Variants in COL13A1 observed in about 807,000 individuals in gnomAD.
COL13A1 encodes collagen type XIII alpha 1 chain, also known as collagen alpha-1(XIII) chain.
In COL13A1, 89 loss-of-function variants were observed where a neutral mutation model predicts 130.9. The ratio of observed to expected loss-of-function variants is 0.68; its 90% CI spans 0.57 to 0.81. The LOEUF (loss-of-function observed/expected upper bound fraction) is 0.81, where lower values mean the gene tolerates loss of function less well. Ranked by LOEUF, COL13A1 falls within the 30% of genes least tolerant of loss-of-function variation. The pLI, the probability that COL13A1 is intolerant of heterozygous loss-of-function variation, is 0.00. For synonymous variants in COL13A1, 402 were observed against 341.6 expected (o/e 1.18, Z -1.95); for missense variants, 879 against 934.6 (o/e 0.94, Z 0.78).
intron 1 of COL13A1, among the ~76,000 whole-genome samples, chr10:69,813,385 C>T (rs959904310): frequency 4.6e-5 from 7 of 152,192 alleles, no homozygotes; most frequent in African/African-American, 1.4e-4. Flanking sequence ...ACGAATGCTG[C>T]AAAGCTCACA....
At chr10:69,832,642 G>A (rs1055018734) in intron 2 of COL13A1, among the ~76,000 whole-genome samples, 2 of 152,178 alleles carry the variant, frequency 1.3e-5, no homozygotes, top group Non-Finnish European at 2.9e-5. Context: ...ACAGGGCAGG[G>A]GAAGGGTGAA....
Position 69,802,445 on chromosome 10 carries a change from A to G in COL13A1, c.22A>G (p.Lys8Glu). The G allele has an allele frequency of 6.7e-7, 1 of 1,502,984 alleles. No homozygotes were observed. The highest frequency in any genetic ancestry group is 1.3e-5 in the South Asian group (1 of 77,820). The allele number at this position is 1,502,984 out of a possible 1,614,324, so 93.1% of individuals were successfully genotyped here. A position where few individuals can be genotyped will look rare whatever the true frequency, so the allele number is the denominator to read the frequency against. Residue 8 changes from lysine (K) to glutamate (E), a missense_variant, in exon 1 of 41, where the codon AAA becomes GAA. Lys to Glu is a moderately conservative substitution (Grantham distance 56). Transcript: ENST00000645393. Reference sequence around the variant, plus strand: ...GAGGATGGTAGCGGAGCGCACCCACAAAGCGGCAGCCACCGGTGCCCGCGG... The same window carrying G: ...GAGGATGGTAGCGGAGCGCACCCACGAAGCGGCAGCCACCGGTGCCCGCGG... MVAERTH[K>E]AAATGARGPG...
intron 31 of COL13A1, among the ~76,000 whole-genome samples, chr10:69,934,890 A>G (rs147885315): frequency 6.6e-6 from 1 of 152,308 alleles, no homozygotes; most frequent in African/African-American, 2.4e-5. Context: ...TCAAATGTCT[A>G]CAAGGGTCAG....
intron 34 of COL13A1, among the ~76,000 whole-genome samples, chr10:69,938,918 C>T (rs2067276834): frequency 6.6e-6 from 1 of 152,154 alleles, no homozygotes; most frequent in African/African-American, 2.4e-5. Context: ...AACCACAAAC[C>T]TCTTCTTATC....
At chr10:69,878,789 C>T (rs1176787583) in intron 6 of COL13A1, among the ~76,000 whole-genome samples, 1 of 152,234 alleles carries the variant, frequency 6.6e-6, no homozygotes, top group African/African-American at 2.4e-5. Flanking sequence ...CCAAGCACAA[C>T]ACTTCTAAAG....
At chr10:69,889,331 GGCAGGGAGGAGCAT>G (rs2134604312) in intron 9 of COL13A1, 69 bp from the exon 10 acceptor site, 9 of 1,528,444 alleles carry the variant, frequency 5.9e-6, no homozygotes, top group Admixed American at 1.9e-5. Flanking sequence ...GAGCACAGGG[GGCAGGGAGGAGCAT>G]GAAGGACAGA....
intron 2 of COL13A1, among the ~76,000 whole-genome samples, chr10:69,822,663 G>T (rs556104068): frequency 1.3e-4 from 20 of 152,256 alleles, no homozygotes; most frequent in African/African-American, 4.1e-4. Flanking sequence ...GTATTTTATG[G>T]GCCTGATACT....
At chr10:69,889,307 CGGGG>C in intron 9 of COL13A1, 103 bp from the exon 10 acceptor site, 6 of 1,397,854 alleles carry the variant, frequency 4.3e-6, no homozygotes, top group Non-Finnish European at 5.9e-6. Flanking sequence ...GGGAGGAGCA[CGGGG>C]GGCAGGGAGG....
chr10:69,910,441 C>T (rs1364034406), intron 17 of COL13A1, among the ~76,000 whole-genome samples: 1 of 152,128 alleles, frequency 6.6e-6, no homozygotes, highest in African/African-American at 2.4e-5. Flanking sequence ...CTTGGAGGGA[C>T]ACCTTTCTGA....
intron 27 of COL13A1, among the ~76,000 whole-genome samples, 186 bp from the exon 28 acceptor site, chr10:69,928,751 G>T (rs527534042): frequency 6.6e-6 from 1 of 152,164 alleles, no homozygotes; most frequent in East Asian, 1.9e-4. Flanking sequence ...GTCACACTTG[G>T]TGCTTATATG....
In COL13A1 at chr10:69,937,473, A is replaced by G. The variant is rs3750782; in HGVS notation, c.1798-162A>G. Among the ~76,000 whole-genome samples, 50,712 of 151,908 alleles carry G rather than the reference A, an allele frequency of 0.33. 8,475 individuals are homozygous for G. Among genetic ancestry groups the G allele is most frequent in the East Asian group, 0.42 (2,137 of 5,146 alleles). On this transcript the variant is annotated intron_variant, in intron 33 of 40. Coordinates refer to ENST00000645393, the MANE Select transcript of COL13A1 (RefSeq NM_001368882.1). ...GATACAGGGGCTACTAACTGAGGCGAGAGTAGGCTAAGAATTCAGGGATTC... is the reference window on the plus strand; with the variant it reads ...GATACAGGGGCTACTAACTGAGGCGGGAGTAGGCTAAGAATTCAGGGATTC...
intron 2 of COL13A1, among the ~76,000 whole-genome samples, chr10:69,853,055 C>G (rs117193353): frequency 6.6e-6 from 1 of 152,176 alleles, no homozygotes; most frequent in South Asian, 2.1e-4. Flanking sequence ...TGCAGCCCAG[C>G]AGTGGGGAGA....
intron 4 of COL13A1, among the ~76,000 whole-genome samples, chr10:69,873,050 C>T (rs1337272329): frequency 6.6e-6 from 1 of 152,076 alleles, no homozygotes; most frequent in African/African-American, 2.4e-5. Context: ...GTATGTGTAC[C>T]ATGGGCCCTC....
At chr10:69,830,763 G>A (rs942896364) in intron 2 of COL13A1, among the ~76,000 whole-genome samples, 1 of 152,076 alleles carries the variant, frequency 6.6e-6, no homozygotes, top group East Asian at 1.9e-4. Context: ...ATATACAATT[G>A]GTCGATTTAA....
At chr10:69,883,144 G>C (rs995845626) in intron 7 of COL13A1, among the ~76,000 whole-genome samples, 42 of 152,294 alleles carry the variant, frequency 2.8e-4, no homozygotes, top group Middle Eastern at 3.4e-3. Context: ...AACCCTCCAA[G>C]CACTTTGGAG....
At chr10:69,873,073 AC>A (rs1313899378) in intron 4 of COL13A1, among the ~76,000 whole-genome samples, 14 of 152,234 alleles carry the variant, frequency 9.2e-5, no homozygotes, top group African/African-American at 3.4e-4. Context: ...ATGTGGAGTG[AC>A]CCAGGTAAGA....
chr10:69,850,530 G>A (rs930988670), intron 2 of COL13A1, among the ~76,000 whole-genome samples: 12 of 150,886 alleles, frequency 8.0e-5, no homozygotes, highest in South Asian at 2.1e-4. Context: ...GGCCTCCTGC[G>A]TCTGGAGGAA....
At chr10:69,823,519 T>C (rs1846663439) in intron 2 of COL13A1, among the ~76,000 whole-genome samples, 1 of 152,224 alleles carries the variant, frequency 6.6e-6, no homozygotes, top group African/African-American at 2.4e-5. Flanking sequence ...GGGTGCTCAC[T>C]GGGCTCTCTG....
intron 14 of COL13A1, among the ~76,000 whole-genome samples, chr10:69,901,815 C>T (rs201647264): frequency 6.6e-6 from 1 of 152,340 alleles, no homozygotes; most frequent in Admixed American, 6.5e-5. Context: ...GCCATCGCTA[C>T]CTCCCTGGGC....
Sources: gnomAD v4.1 joint callset for allele counts (sites outside exome capture counted in the v4.1 genomes callset) on GRCh38, gnomAD v4.1.1 for gene constraint, MANE v1.5 for transcripts, NCBI Gene and HGNC (gene_info 2026-07-23, HGNC 2026-07-21) for gene names.